Variants in TTC28 observed in about 807,000 individuals in gnomAD.
TTC28 encodes the protein tetratricopeptide repeat domain 28.
In TTC28, 61 loss-of-function variants were observed where a neutral mutation model predicts 198.0. That is an observed-to-expected ratio of 0.31 (90% CI 0.25 to 0.38). The LOEUF is 0.38. TTC28 is among the 10% of genes least tolerant of loss of function. The pLI is 1.00. For synonymous variants in TTC28, 1,171 were observed against 1,297.8 expected, an observed-to-expected ratio of 0.90 and a Z score of 2.10; for missense variants, 2,678 against 3,164.0, an observed-to-expected ratio of 0.85 and a Z score of 3.69.
At chr22:28,124,195 G>GTTGTTGT (rs1555919215) in intron 6 of TTC28, among the ~76,000 whole-genome samples, 68 of 150,482 alleles carry the variant, frequency 4.5e-4, no homozygotes, top group African/African-American at 1.6e-3. Context: ...TGTTGTTGTT[G>GTTGTTGT]TTGTTTGTTT....
At chr22:28,459,441 AAAATT>A (rs1568957195) in intron 2 of TTC28, among the ~76,000 whole-genome samples, 1 of 152,106 alleles carries the variant, frequency 6.6e-6, no homozygotes, top group Admixed American at 6.6e-5. Context: ...AAAGAAAAAA[AAAATT>A]AAAGAAAGAA....
rs1937003515 is a variant in TTC28 at position 27,981,229 on chromosome 22, AATTTTTTT to A, written c.*984_*991del. The A allele has an allele frequency of 1.4e-5, 1 of 72,684 alleles. No individual in the cohort carries two copies. Among genetic ancestry groups the A allele is most frequent in the Non-Finnish European group, 2.9e-5 (1 of 34,180 alleles). The allele number at this position is 72,684 out of a possible 1,614,324, so 4.5% of individuals were successfully genotyped here. On this transcript the variant is annotated 3_prime_UTR_variant, in exon 23 of 23. Coordinates refer to ENST00000397906, the MANE Select transcript of TTC28 (RefSeq NM_001145418.2). ...CTGGTTAAATCTAGTTAGCCATGGAAATTTTTTTTTTTTTTTTTTTTTTTTTTTTTTTT... is the reference window on the plus strand; with the variant it reads ...CTGGTTAAATCTAGTTAGCCATGGAATTTTTTTTTTTTTTTTTTTTTTTTT...
chr22:28,181,769 C>T lies in TTC28; in HGVS notation c.934-18170G>A, dbSNP rs559501868. Among the ~76,000 whole-genome samples, 4 of 152,234 alleles carry T rather than the reference C, an allele frequency of 2.6e-5. No homozygotes were observed. In the East Asian group the frequency reaches 5.8e-4, roughly 22 times the overall value. ...GTTAACACCTTCCACTGTAGCCATG[C>T]TATCTATTTAGGAAGACGTTTACCA... On this transcript the variant is annotated intron_variant, in intron 5 of 22. Transcript: ENST00000397906.
intron 6 of TTC28, among the ~76,000 whole-genome samples, chr22:28,153,840 T>C (rs1179160654): frequency 2.0e-5 from 3 of 152,200 alleles, no homozygotes. Context: ...TTTCCATAGA[T>C]GAATTATTAG....
chr22:28,076,963 A>G (rs1204594200), intron 12 of TTC28, among the ~76,000 whole-genome samples: 2 of 152,246 alleles, frequency 1.3e-5, no homozygotes, highest in East Asian at 3.9e-4. Context: ...TGTATTCTGA[A>G]AAGTGTATTT....
chr22:28,217,148 T>C (rs1395597384), intron 5 of TTC28, among the ~76,000 whole-genome samples: 3 of 152,170 alleles, frequency 2.0e-5, no homozygotes, highest in Admixed American at 6.5e-5. Flanking sequence ...TGGTATTAAA[T>C]GGTCCAAGTC....
intron 5 of TTC28, among the ~76,000 whole-genome samples, chr22:28,214,808 T>A (rs1401225905): frequency 6.6e-6 from 1 of 152,230 alleles, no homozygotes; most frequent in African/African-American, 2.4e-5. Context: ...TTATAAATCA[T>A]GCTGCTATAA....
intron 6 of TTC28, among the ~76,000 whole-genome samples, chr22:28,126,549 T>A (rs1022770792): frequency 6.6e-6 from 1 of 152,288 alleles, no homozygotes; most frequent in East Asian, 1.9e-4. Flanking sequence ...CCCCACTATG[T>A]TGATTTAGAT....
chr22:28,369,942 T>C (rs777136696), intron 2 of TTC28, among the ~76,000 whole-genome samples: 8 of 152,210 alleles, frequency 5.3e-5, no homozygotes, highest in Non-Finnish European at 1.2e-4. Context: ...ATCCCTTCTG[T>C]TCTGAATATG....
chr22:28,502,476 T>TAA lies in TTC28; in HGVS notation c.381+127074_381+127075dup, dbSNP rs695536. ...TAACACGGTGAAACCCTGTCTCTAC[T>TAA]AAAAAAAAAAAAATACAAAAAATTA... On this transcript the variant is annotated intron_variant, in intron 2 of 22. Transcript: ENST00000397906. 1.5e-3 allele frequency among the ~76,000 whole-genome samples: 212 copies of TAA among 145,256 alleles called. 2 individuals carry two copies. The highest frequency in any genetic ancestry group is 0.013 in the East Asian group (65 of 4,996).
intron 1 of TTC28, among the ~76,000 whole-genome samples, chr22:28,660,845 G>A (rs2051731464): frequency 1.3e-5 from 2 of 148,870 alleles, no homozygotes; most frequent in African/African-American, 5.0e-5. Context: ...TTTTAGTAGA[G>A]ATGGGTTTCA....
chr22:28,359,960 C>T (rs528310588), intron 2 of TTC28, among the ~76,000 whole-genome samples: 1 of 152,164 alleles, frequency 6.6e-6, no homozygotes, highest in South Asian at 2.1e-4. Flanking sequence ...CCTTCCCTAC[C>T]CCACCCCACC....
At chr22:28,537,662 A>G (rs774257579) in intron 2 of TTC28, among the ~76,000 whole-genome samples, 2 of 152,214 alleles carry the variant, frequency 1.3e-5, no homozygotes, top group Non-Finnish European at 2.9e-5. Context: ...AAATAGCATA[A>G]AAATCTAAAG....
chr22:28,205,191 T>C lies in TTC28; in HGVS notation c.934-41592A>G, dbSNP rs1926293454. On this transcript the variant is annotated intron_variant, in intron 5 of 22. Coordinates refer to ENST00000397906, the MANE Select transcript of TTC28 (RefSeq NM_001145418.2). The stretch of plus-strand genomic sequence containing the variant: ...GAATACAGTGAAGATAAAGAGATGC[T>C]CTTTTGTTTTAACGCAACACACACA... Among the ~76,000 whole-genome samples the C allele has an allele frequency of 2.0e-5, 3 of 152,058 alleles. No individual in the cohort carries two copies. In the South Asian group the frequency reaches 6.2e-4, roughly 32 times the overall value.
At chr22:28,052,129 G>A (rs1465215099) in intron 12 of TTC28, among the ~76,000 whole-genome samples, 1 of 152,110 alleles carries the variant, frequency 6.6e-6, no homozygotes, top group Non-Finnish European at 1.5e-5. Flanking sequence ...GTTCCCTTGG[G>A]GGTTTTATAA....
intron 1 of TTC28, among the ~76,000 whole-genome samples, chr22:28,641,356 C>T (rs540015040): frequency 1.3e-5 from 2 of 151,920 alleles, no homozygotes; most frequent in Admixed American, 6.6e-5. Flanking sequence ...ATAAAACACA[C>T]ATTACAACAT....
At chr22:28,535,727 C>T (rs765085062) in intron 2 of TTC28, among the ~76,000 whole-genome samples, 15 of 151,962 alleles carry the variant, frequency 9.9e-5, no homozygotes, top group Non-Finnish European at 1.6e-4. Flanking sequence ...CTCACAAGAT[C>T]TGGTTGTTTG....
At chr22:28,274,915 G>A (rs1932314197) in intron 5 of TTC28, among the ~76,000 whole-genome samples, 1 of 146,770 alleles carries the variant, frequency 6.8e-6, no homozygotes, top group South Asian at 2.3e-4. Flanking sequence ...GAAGGTGGAG[G>A]TTGCAGTGAG....
intron 14 of TTC28, among the ~76,000 whole-genome samples, chr22:28,013,393 A>G (rs1423858439): frequency 6.6e-6 from 1 of 152,220 alleles, no homozygotes; most frequent in Non-Finnish European, 1.5e-5. Flanking sequence ...TGAGCCCTCC[A>G]GCACTCTCTG....
Sources: allele counts gnomAD v4.1 joint callset (sites outside exome capture counted in the v4.1 genomes callset), GRCh38; gene constraint gnomAD v4.1.1; transcripts MANE v1.5; gene names NCBI Gene and HGNC (gene_info 2026-07-23, HGNC 2026-07-21).